FAM135A: variants seen among roughly 807,000 people sequenced by gnomAD.
The protein encoded by FAM135A is protein FAM135A.
A neutral mutation model predicts 146.8 loss-of-function variants in FAM135A; 79 were observed. The observed-to-expected ratio is 0.54, with a 90% CI of 0.45 to 0.65. The LOEUF is 0.65. FAM135A is among the 30% of genes least tolerant of loss of function. The pLI is 0.00. For missense variants in FAM135A, 1,623 were observed against 1,758.2 expected, an observed-to-expected ratio of 0.92 and a Z score of 1.38; for synonymous variants, 562 against 603.6, an observed-to-expected ratio of 0.93 and a Z score of 1.01.
At chr6:70,425,132 C>G (rs1769770112) in intron 2 of FAM135A, among the ~76,000 whole-genome samples, 1 of 149,806 alleles carries the variant, frequency 6.7e-6, no homozygotes, top group Non-Finnish European at 1.5e-5. Context: ...ATATTACACA[C>G]ACACACAGAG....
intron 12 of FAM135A, among the ~76,000 whole-genome samples, chr6:70,515,413 T>C (rs1477213833): frequency 6.6e-6 from 1 of 152,210 alleles, no homozygotes; most frequent in African/African-American, 2.4e-5. Context: ...CAGTGGAATG[T>C]TATTTAGCAA....
chr6:70,486,286 A>G, intron 10 of FAM135A: 1 of 1,570,730 alleles, frequency 6.4e-7, no homozygotes, highest in Non-Finnish European at 8.7e-7. Context: ...CCTTTTAATT[A>G]AAAAGTATGA....
At chr6:70,423,259 GC>G (rs1454690096) in intron 2 of FAM135A, among the ~76,000 whole-genome samples, 3 of 152,182 alleles carry the variant, frequency 2.0e-5, no homozygotes, top group Admixed American at 6.5e-5. Flanking sequence ...AATTTTATAA[GC>G]CATTTTAAGG....
At position 70,543,065 on chromosome 6, in the gene FAM135A, A is replaced by G. The variant is rs1798226702; in HGVS notation, c.4228+4664A>G. On this transcript the variant is annotated intron_variant, in intron 20 of 21. Coordinates refer to ENST00000418814, the MANE Select transcript of FAM135A (RefSeq NM_001162529.3). ...CCCATTTCCCACATACATATTCAGT[A>G]TGTACCATAGCTCTTCTAGTGTACA... is the stretch of plus-strand genomic sequence containing the variant. Among the ~76,000 whole-genome samples the G allele has an allele frequency of 2.0e-5, 3 of 152,200 alleles. No homozygotes were observed. The South Asian group carries it at 6.2e-4, about 31-fold the overall frequency.
At chr6:70,419,045 C>A (rs748619983) in intron 2 of FAM135A, among the ~76,000 whole-genome samples, 1 of 152,218 alleles carries the variant, frequency 6.6e-6, no homozygotes, top group Non-Finnish European at 1.5e-5. Context: ...TTTCCTACTC[C>A]GCTGGGTCGG....
chr6:70,441,380 C>T (rs548525828), intron 4 of FAM135A, among the ~76,000 whole-genome samples: 36 of 152,024 alleles, frequency 2.4e-4, no homozygotes, highest in African/African-American at 7.0e-4. Flanking sequence ...AGAGTGAAAC[C>T]CTGTCTCAAA....
chr6:70,440,834 T>C (rs1206606911), intron 4 of FAM135A, among the ~76,000 whole-genome samples: 1 of 151,942 alleles, frequency 6.6e-6, no homozygotes, highest in Non-Finnish European at 1.5e-5. Context: ...AGGAAAGCTG[T>C]CTCAAAAAAA....
intron 5 of FAM135A, among the ~76,000 whole-genome samples, chr6:70,454,910 C>T (rs9446254): frequency 0.021 from 3,220 of 152,204 alleles, 109 homozygotes; most frequent in African/African-American, 0.074. Flanking sequence ...CTTGGCAATG[C>T]AGGCTCTTTT....
At chr6:70,449,379 C>T (rs1776548711) in intron 4 of FAM135A, among the ~76,000 whole-genome samples, 1 of 152,136 alleles carries the variant, frequency 6.6e-6, no homozygotes, top group African/African-American at 2.4e-5. Context: ...CAACTTTGTA[C>T]TCTTTGACTA....
At position 70,528,449 on chromosome 6, in the gene FAM135A, G is replaced by C; in HGVS notation, c.3772G>C (p.Asp1258His). 6.3e-7 allele frequency: 1 copy of C among 1,595,370 alleles called. No individual in the cohort carries two copies. Among genetic ancestry groups the C allele is most frequent in the Non-Finnish European group, 8.5e-7 (1 of 1,172,992 alleles). Residue 1258 changes from aspartate to histidine, a missense_variant, in exon 16 of 22, where the codon GAT becomes CAT. Around this residue, in one of 7 missense-constraint regions of FAM135A, gnomAD observed 1,061 missense variants for 1,113.8 expected, o/e 0.95. Transcript: ENST00000418814. Reference protein sequence around the residue: ...VHLIVCVHGLDGNSADLRLVK... With the variant: ...VHLIVCVHGLHGNSADLRLVK... ...TCTGATTGTCTGTGTGCACGGTTTA[G>C]ATGGTATGTGACATCTATGGATGTA...
At chr6:70,480,799 AAC>A (rs371888207) in intron 8 of FAM135A, 100 bp from the exon 9 acceptor site, 2 of 1,140,586 alleles carry the variant, frequency 1.8e-6, no homozygotes, top group African/African-American at 3.2e-5. Flanking sequence ...AAACTTGCAA[AAC>A]CCTTGCTGTT....
intron 4 of FAM135A, among the ~76,000 whole-genome samples, chr6:70,444,772 T>A (rs1314297831): frequency 6.6e-6 from 1 of 152,192 alleles, no homozygotes; most frequent in Non-Finnish European, 1.5e-5. Context: ...CTTCAATAAG[T>A]GATGAACAAA....
intron 11 of FAM135A, among the ~76,000 whole-genome samples, chr6:70,492,931 T>G: frequency 6.7e-6 from 1 of 148,434 alleles, no homozygotes; most frequent in East Asian, 1.9e-4. Context: ...TGATGTATTT[T>G]TAAAACACTT....
At chr6:70,539,699 A>G (rs993664422) in intron 20 of FAM135A, among the ~76,000 whole-genome samples, 5 of 152,168 alleles carry the variant, frequency 3.3e-5, no homozygotes, top group Non-Finnish European at 2.9e-5. Flanking sequence ...CCAGGAGAAT[A>G]AAAGACATTG....
At chr6:70,443,304 C>T (rs1044860737) in intron 4 of FAM135A, among the ~76,000 whole-genome samples, 1 of 152,148 alleles carries the variant, frequency 6.6e-6, no homozygotes, top group South Asian at 2.1e-4. Flanking sequence ...CCCATCACCT[C>T]GTGATGGTAG....
At chr6:70,496,107 T>C (rs1430938895) in intron 11 of FAM135A, among the ~76,000 whole-genome samples, 1 of 152,172 alleles carries the variant, frequency 6.6e-6, no homozygotes, top group Non-Finnish European at 1.5e-5. Flanking sequence ...TACGTGTGCA[T>C]GTATCTTTAT....
At position 70,427,455 on chromosome 6, in the gene FAM135A, C is replaced by A. The variant is rs534324093; in HGVS notation, c.-39-849C>A. On this transcript the variant is annotated intron_variant, in intron 3 of 21. Transcript: ENST00000418814. Reference sequence around the variant, plus strand: ...GCTGAGGCAGGAGAATGGCTTAAACCCCGGAGGCGGGGATTGCAGTGAGCC... The same window carrying A: ...GCTGAGGCAGGAGAATGGCTTAAACACCGGAGGCGGGGATTGCAGTGAGCC... Among the ~76,000 whole-genome samples the A allele has an allele frequency of 2.0e-5, 3 of 152,060 alleles. No individual in the cohort carries two copies. The South Asian group carries it at 6.3e-4, about 32-fold the overall frequency.
chr6:70,533,519 T>A (rs1055672901), intron 17 of FAM135A, among the ~76,000 whole-genome samples: 2 of 152,212 alleles, frequency 1.3e-5, no homozygotes, highest in African/African-American at 4.8e-5. Context: ...TTCATACTGG[T>A]AGTGAGCTAA....
In FAM135A at chr6:70,444,732, C is replaced by T. The variant is rs531950088; in HGVS notation, c.78-7760C>T. Reference sequence around the variant, plus strand: ...GTATATTTGCTTTTAGTGTTTCTTTCGCTGTATTTCTAACACCTATCACAT... The same window carrying T: ...GTATATTTGCTTTTAGTGTTTCTTTTGCTGTATTTCTAACACCTATCACAT... On this transcript the variant is annotated intron_variant, in intron 4 of 21. Coordinates refer to ENST00000418814, the MANE Select transcript of FAM135A (RefSeq NM_001162529.3). 5.1e-4 allele frequency among the ~76,000 whole-genome samples: 77 copies of T among 152,050 alleles called. 1 individual carries two copies. The South Asian group carries it at 0.012, about 23-fold the overall frequency.
Sources: allele counts gnomAD v4.1 joint callset (sites outside exome capture counted in the v4.1 genomes callset), GRCh38; gene constraint gnomAD v4.1.1; regional missense constraint gnomAD v4.1.1; transcripts MANE v1.5; gene names NCBI Gene and HGNC (gene_info 2026-07-23, HGNC 2026-07-21).